Variants in SPOCK1 observed in about 807,000 individuals in gnomAD.
The protein encoded by SPOCK1 is SPARC (osteonectin), cwcv and kazal like domains proteoglycan 1, also known as testican-1.
Under a neutral mutation model 55.3 loss-of-function variants are expected in SPOCK1, and 23 were observed. That is an observed-to-expected ratio of 0.42 (90% CI 0.30 to 0.59). The LOEUF is 0.59. Among genes scored for constraint, SPOCK1 ranks in the 20% least tolerant of loss-of-function variants. The probability of loss-of-function intolerance (pLI) is 0.22; values close to 1 mark genes in which losing one functional copy is unlikely to be tolerated. For missense variants in SPOCK1, 499 were observed against 552.5 expected (o/e 0.90, Z 0.97); for synonymous variants, 226 against 221.0 (o/e 1.02, Z -0.20).
At chr5:137,035,541 G>A (rs1386980462) in intron 6 of SPOCK1, among the ~76,000 whole-genome samples, 1 of 152,202 alleles carries the variant, frequency 6.6e-6, no homozygotes, top group Non-Finnish European at 1.5e-5. Context: ...ATGCTCACCT[G>A]GGGCTGCTGG....
intron 3 of SPOCK1, among the ~76,000 whole-genome samples, chr5:137,193,934 T>C (rs2127071873): frequency 6.6e-6 from 1 of 152,228 alleles, no homozygotes; most frequent in East Asian, 1.9e-4. Flanking sequence ...TTTAATAGTG[T>C]GGAAATTAGA....
At chr5:137,211,904 T>C (rs1349987948) in intron 3 of SPOCK1, among the ~76,000 whole-genome samples, 1 of 152,176 alleles carries the variant, frequency 6.6e-6, no homozygotes, top group African/African-American at 2.4e-5. Flanking sequence ...ATGCATCTCC[T>C]TACCTGGCTG....
intron 6 of SPOCK1, among the ~76,000 whole-genome samples, chr5:137,030,177 G>A (rs903820436): frequency 2.6e-5 from 4 of 152,366 alleles, no homozygotes; most frequent in South Asian, 2.1e-4. Context: ...AATATATACC[G>A]GGTAGAGTGA....
At chr5:137,185,096 A>C (rs1342368827) in intron 3 of SPOCK1, among the ~76,000 whole-genome samples, 1 of 152,192 alleles carries the variant, frequency 6.6e-6, no homozygotes. Context: ...GACAAACAAA[A>C]GGAGGAACAG....
intron 3 of SPOCK1, among the ~76,000 whole-genome samples, chr5:137,143,463 C>A (rs1754137408): frequency 1.3e-5 from 2 of 151,444 alleles, no homozygotes; most frequent in Admixed American, 1.3e-4. Context: ...GCACGGACTC[C>A]AAGGCAGAGT....
chr5:137,441,138 A>T (rs986362600), intron 2 of SPOCK1, among the ~76,000 whole-genome samples: 1 of 152,248 alleles, frequency 6.6e-6, no homozygotes, highest in Non-Finnish European at 1.5e-5. Flanking sequence ...TCAACATCAG[A>T]GTGGCTGAGA....
At chr5:137,140,490 C>T (rs1369884356) in intron 4 of SPOCK1, 90 bp downstream of exon 4, 27 of 1,064,878 alleles carry the variant, frequency 2.5e-5, no homozygotes, top group Non-Finnish European at 3.1e-5. Context: ...CTCTCCCCTC[C>T]CCATATCCCC....
chr5:137,350,571 G>T (rs1750655889), intron 2 of SPOCK1, among the ~76,000 whole-genome samples: 1 of 152,112 alleles, frequency 6.6e-6, no homozygotes, highest in Admixed American at 6.6e-5. Context: ...ATGTCTAGAA[G>T]GCTGGACTCA....
chr5:137,321,197 G>GAAA (rs754227950), intron 2 of SPOCK1, among the ~76,000 whole-genome samples: 3 of 83,106 alleles, frequency 3.6e-5, no homozygotes, highest in Non-Finnish European at 2.6e-5. Flanking sequence ...ACACCAACCA[G>GAAA]AAAAAAAAAA....
chr5:137,019,052 T>C (rs1462557079), intron 6 of SPOCK1, among the ~76,000 whole-genome samples: 1 of 152,068 alleles, frequency 6.6e-6, no homozygotes, highest in African/African-American at 2.4e-5. Flanking sequence ...ATGGAAATAA[T>C]AAAATACTAT....
intron 7 of SPOCK1, among the ~76,000 whole-genome samples, chr5:136,992,272 T>A (rs1423392782): frequency 6.6e-6 from 1 of 152,232 alleles, no homozygotes; most frequent in Non-Finnish European, 1.5e-5. Context: ...TACCACAGCA[T>A]GCTTACGGTC....
chr5:137,032,431 A>G (rs886933813), intron 6 of SPOCK1, among the ~76,000 whole-genome samples: 1 of 152,194 alleles, frequency 6.6e-6, no homozygotes, highest in African/African-American at 2.4e-5. Context: ...CTTTTAAAAG[A>G]TTAATTTGGG....
chr5:137,023,564 G>A lies in SPOCK1; in HGVS notation c.590-30964C>T, dbSNP rs1340899530. Among the ~76,000 whole-genome samples, 20 of 152,286 alleles carry A rather than the reference G, an allele frequency of 1.3e-4. No homozygotes were observed. In the East Asian group the frequency reaches 3.7e-3, roughly 28 times the overall value. On this transcript the variant is annotated intron_variant, in intron 6 of 10. Transcript: ENST00000394945. Reference sequence around the variant, plus strand: ...TGCTCCGAGAAAAGTGACATGAAAAGTGTGACTTATATACCAGACTGGGGC... The same window carrying A: ...TGCTCCGAGAAAAGTGACATGAAAAATGTGACTTATATACCAGACTGGGGC...
intron 5 of SPOCK1, among the ~76,000 whole-genome samples, chr5:137,102,051 G>A (rs1358290375): frequency 1.3e-5 from 2 of 152,102 alleles, no homozygotes; most frequent in Non-Finnish European, 2.9e-5. Flanking sequence ...AGCATTTAAT[G>A]AGGCTAACAT....
chr5:137,066,985 CACAG>C (rs1214586928), intron 6 of SPOCK1, among the ~76,000 whole-genome samples: 134 of 121,748 alleles, frequency 1.1e-3, no homozygotes, highest in African/African-American at 3.5e-3. Flanking sequence ...CACACACACA[CACAG>C]AGAGAGAGAG....
intron 6 of SPOCK1, among the ~76,000 whole-genome samples, chr5:137,032,545 C>A (rs192453778): frequency 6.6e-6 from 1 of 152,170 alleles, no homozygotes; most frequent in African/African-American, 2.4e-5. Flanking sequence ...GAAAAAGGCA[C>A]GAGGTAGCGT....
At chr5:137,085,963 T>G (rs1331011762) in intron 5 of SPOCK1, among the ~76,000 whole-genome samples, 1 of 152,190 alleles carries the variant, frequency 6.6e-6, no homozygotes, top group Non-Finnish European at 1.5e-5. Context: ...TGCAACATCA[T>G]AGTTGAGTCC....
intron 6 of SPOCK1, among the ~76,000 whole-genome samples, chr5:137,041,966 T>C (rs1221439339): frequency 1.3e-5 from 2 of 152,192 alleles, no homozygotes; most frequent in East Asian, 1.9e-4. Context: ...CCCAACTGAT[T>C]TGAAAAATTA....
intron 2 of SPOCK1, among the ~76,000 whole-genome samples, chr5:137,403,026 G>A (rs1437853126): frequency 6.6e-6 from 1 of 152,226 alleles, no homozygotes; most frequent in Non-Finnish European, 1.5e-5. Context: ...TCACACAGCT[G>A]ATGACTTCAG....
Sources: gnomAD v4.1 joint callset for allele counts (sites outside exome capture counted in the v4.1 genomes callset) on GRCh38, gnomAD v4.1.1 for gene constraint, MANE v1.5 for transcripts, NCBI Gene and HGNC (gene_info 2026-07-23, HGNC 2026-07-21) for gene names.